The following CARMIL1 variants were observed in gnomAD, a reference collection of about 807,000 sequenced individuals.
The protein encoded by CARMIL1 is F-actin-uncapping protein LRRC16A.
Under a neutral mutation model 177.1 loss-of-function variants are expected in CARMIL1, and 90 were observed. That is an observed-to-expected ratio of 0.51 (90% confidence interval 0.43 to 0.61). The LOEUF is 0.61. Among genes scored for constraint, CARMIL1 ranks in the 20% least tolerant of loss-of-function variants. The probability of loss-of-function intolerance (pLI) is 0.00; values close to 1 mark genes in which losing one functional copy is unlikely to be tolerated. For synonymous variants in CARMIL1, 577 were observed against 606.2 expected (o/e 0.95, Z 0.71); for missense variants, 1,380 against 1,667.0 (o/e 0.83, Z 3.00).
rs57318254 is a variant in CARMIL1, at chr6:25,556,921, T to TAAA, written c.2742+72_2742+74dup. 2,904 of 1,354,710 alleles carry TAAA rather than the reference T, an allele frequency of 2.1e-3. 21 individuals carry two copies. The highest frequency in any genetic ancestry group is 0.019 in the South Asian group (1,459 of 76,212). The allele number at this position is 1,354,710 out of a possible 1,614,324, so 83.9% of individuals were successfully genotyped here. A position where few individuals can be genotyped will look rare whatever the true frequency, so the allele number is the denominator to read the frequency against. On this transcript the variant is annotated intron_variant, in intron 29 of 36. Transcript: ENST00000329474. ...GTGCCATTGTTTTTTTTTTTTTTTT[T>TAAA]AAATCTCACCTTTTGAAATCAGACC...
At chr6:25,353,229 A>G (rs998158098) in intron 2 of CARMIL1, among the ~76,000 whole-genome samples, 1 of 152,226 alleles carries the variant, frequency 6.6e-6, no homozygotes, top group Non-Finnish European at 1.5e-5. Flanking sequence ...CTGATTGCTT[A>G]CTGTGTGCTA....
intron 36 of CARMIL1, among the ~76,000 whole-genome samples, chr6:25,619,215 C>T (rs141961436): frequency 1.3e-5 from 2 of 152,308 alleles, no homozygotes; most frequent in Admixed American, 1.3e-4. Context: ...GAGGTTCACC[C>T]TGTCATAGAC....
chr6:25,339,739 G>A (rs1786704796), intron 2 of CARMIL1, among the ~76,000 whole-genome samples: 1 of 151,770 alleles, frequency 6.6e-6, no homozygotes. Flanking sequence ...ATGCAGGGCA[G>A]TGATTAAAGG....
chr6:25,366,341 T>G (rs1258295944), intron 2 of CARMIL1, among the ~76,000 whole-genome samples: 2 of 152,042 alleles, frequency 1.3e-5, no homozygotes, highest in African/African-American at 4.8e-5. Context: ...TGGAAAACTT[T>G]CCTAAGATTT....
At chr6:25,300,592 T>C (rs1782780948) in intron 2 of CARMIL1, among the ~76,000 whole-genome samples, 1 of 152,220 alleles carries the variant, frequency 6.6e-6, no homozygotes, top group South Asian at 2.1e-4. Flanking sequence ...GAGGTTGCAG[T>C]GGGCTGAGAT....
intron 15 of CARMIL1, 25 bp downstream of exon 15, chr6:25,492,049 T>G (rs1208759389): frequency 1.3e-6 from 2 of 1,597,016 alleles, no homozygotes. Context: ...CTGCTCTCAT[T>G]GTCATCTGGA....
intron 4 of CARMIL1, among the ~76,000 whole-genome samples, chr6:25,427,628 A>G (rs752663808): frequency 5.9e-5 from 9 of 152,172 alleles, no homozygotes; most frequent in Non-Finnish European, 1.2e-4. Flanking sequence ...TTTTTGAGAA[A>G]CCGTCACACT....
rs2150998946 is a variant in CARMIL1 at position 25,492,034 on chromosome 6, T to G, written c.1220+10T>G. On this transcript the variant is annotated intron_variant, in intron 15 of 36. Transcript: ENST00000329474. ...CTGTCTTCTCTCACCGGTATAGATTTATTTCTGCTCTCATTGTCATCTGGA... is the reference window on the plus strand; with the variant it reads ...CTGTCTTCTCTCACCGGTATAGATTGATTTCTGCTCTCATTGTCATCTGGA... 6.2e-7 allele frequency: 1 copy of G among 1,609,240 alleles called. No individual in the cohort carries two copies. Among genetic ancestry groups the G allele is most frequent in the East Asian group, 2.2e-5 (1 of 44,816 alleles).
At chr6:25,588,323 C>T (rs571759893) in intron 31 of CARMIL1, among the ~76,000 whole-genome samples, 1 of 152,192 alleles carries the variant, frequency 6.6e-6, no homozygotes, top group South Asian at 2.1e-4. Flanking sequence ...ATTTCTTGTT[C>T]ATATCATAGT....
chr6:25,612,031 G>A (rs757114871), intron 36 of CARMIL1, among the ~76,000 whole-genome samples: 3 of 152,146 alleles, frequency 2.0e-5, no homozygotes, highest in South Asian at 4.1e-4. Context: ...AATGGCTCAC[G>A]CTCCCTTCTT....
intron 12 of CARMIL1, among the ~76,000 whole-genome samples, chr6:25,485,598 C>G (rs1337758114): frequency 1.3e-5 from 2 of 152,064 alleles, no homozygotes; most frequent in Non-Finnish European, 2.9e-5. Flanking sequence ...CCACGCCCAG[C>G]TAATTTTTGT....
intron 5 of CARMIL1, among the ~76,000 whole-genome samples, chr6:25,437,471 C>T (rs528037396): frequency 5.3e-5 from 8 of 152,294 alleles, no homozygotes; most frequent in South Asian, 2.1e-4. Context: ...TTAAAATCTT[C>T]GGGCAATTAT....
chr6:25,574,730 C>T (rs1278369588), intron 29 of CARMIL1, among the ~76,000 whole-genome samples: 1 of 152,130 alleles, frequency 6.6e-6, no homozygotes, highest in African/African-American at 2.4e-5. Context: ...CTTTTTCACT[C>T]AGTATTATAT....
chr6:25,610,260 G>A (rs1816397327), intron 36 of CARMIL1, 79 bp downstream of exon 36: 3 of 1,443,892 alleles, frequency 2.1e-6, no homozygotes, highest in East Asian at 2.4e-5. Context: ...AACTCATCCT[G>A]GACTTTACTA....
At chr6:25,531,159 A>G (rs1277632974) in intron 24 of CARMIL1, among the ~76,000 whole-genome samples, 22 of 152,212 alleles carry the variant, frequency 1.4e-4, no homozygotes, top group Admixed American at 1.4e-3. Context: ...TTAAATTTAA[A>G]ATGGAAGCCA....
chr6:25,450,844 CCTTCCCTCCCCTCCCT>C, intron 8 of CARMIL1, 133 bp downstream of exon 8: 1 of 493,780 alleles, frequency 2.0e-6, no homozygotes, highest in Non-Finnish European at 3.6e-6. Context: ...CCTCCCCTCC[CCTTCCCTCCCCTCCCT>C]TCCCTTCCCT....
At chr6:25,367,723 T>A (rs1219572879) in intron 2 of CARMIL1, among the ~76,000 whole-genome samples, 1 of 152,174 alleles carries the variant, frequency 6.6e-6, no homozygotes. Context: ...CACACTTGGC[T>A]TCATTATCTA....
chr6:25,438,851 TC>T (rs909019261), intron 5 of CARMIL1, among the ~76,000 whole-genome samples: 1 of 145,502 alleles, frequency 6.9e-6, no homozygotes, highest in African/African-American at 2.6e-5. Context: ...TTTATGAAAA[TC>T]TTTTTTTTTT....
At chr6:25,289,693 T>A (rs1781789863) in intron 2 of CARMIL1, among the ~76,000 whole-genome samples, 1 of 152,284 alleles carries the variant, frequency 6.6e-6, no homozygotes, top group Admixed American at 6.5e-5. Context: ...AATGTACTCA[T>A]ACAGTATCCC....
Sources: gnomAD v4.1 joint callset for allele counts (sites outside exome capture counted in the v4.1 genomes callset) on GRCh38, gnomAD v4.1.1 for gene constraint, MANE v1.5 for transcripts, NCBI Gene and HGNC (gene_info 2026-07-23, HGNC 2026-07-21) for gene names.